IMMP2L: variants seen among roughly 807,000 people sequenced by gnomAD.
The protein encoded by IMMP2L is inner mitochondrial membrane peptidase subunit 2.
Under a neutral mutation model 19.3 loss-of-function variants are expected in IMMP2L, and 18 were observed. The observed-to-expected ratio is 0.93, with a 90% confidence interval of 0.64 to 1.38. The LOEUF (loss-of-function observed/expected upper bound fraction) is 1.38, where lower values mean the gene tolerates loss of function less well. Among genes scored for constraint, IMMP2L ranks in the 40% most tolerant of loss-of-function variants. IMMP2L has a pLI of 0.00. For synonymous variants in IMMP2L, 76 were observed against 73.0 expected (o/e 1.04, Z -0.21); for missense variants, 233 against 218.2 (o/e 1.07, Z -0.43).
intron 4 of IMMP2L, among the ~76,000 whole-genome samples, chr7:110,933,914 T>A (rs1179121433): frequency 6.6e-6 from 1 of 152,236 alleles, no homozygotes; most frequent in African/African-American, 2.4e-5. Flanking sequence ...CTTCTCTAGT[T>A]CTTTTAATTG....
chr7:111,262,176 T>C (rs1161135707), intron 3 of IMMP2L, among the ~76,000 whole-genome samples: 2 of 152,144 alleles, frequency 1.3e-5, no homozygotes, highest in Admixed American at 1.3e-4. Context: ...CAGGAACTTA[T>C]ATTCTAATGG....
At chr7:111,126,227 C>T (rs1440908168) in intron 3 of IMMP2L, among the ~76,000 whole-genome samples, 2 of 152,106 alleles carry the variant, frequency 1.3e-5, no homozygotes, top group Non-Finnish European at 2.9e-5. Flanking sequence ...AGGAGCTTCA[C>T]TGAAGTAACA....
At chr7:111,159,710 G>A (rs1586626015) in intron 3 of IMMP2L, among the ~76,000 whole-genome samples, 2 of 152,060 alleles carry the variant, frequency 1.3e-5, no homozygotes, top group South Asian at 4.1e-4. Context: ...CTGTCCAACA[G>A]AAACATCAGG....
intron 3 of IMMP2L, among the ~76,000 whole-genome samples, chr7:111,223,267 T>G (rs1357776849): frequency 3.9e-5 from 6 of 151,996 alleles, no homozygotes. Context: ...ATTTTTGTAA[T>G]ATTTTTTCTT....
chr7:110,718,676 G>A (rs1239358907), intron 5 of IMMP2L, among the ~76,000 whole-genome samples: 1 of 152,034 alleles, frequency 6.6e-6, no homozygotes, highest in Non-Finnish European at 1.5e-5. Flanking sequence ...AACAGCAAGG[G>A]GAATCAGAGG....
At chr7:111,350,663 A>G (rs1828057069) in intron 3 of IMMP2L, among the ~76,000 whole-genome samples, 1 of 152,128 alleles carries the variant, frequency 6.6e-6, no homozygotes, top group Admixed American at 6.6e-5. Context: ...TCACCATAGA[A>G]TATCAACTTT....
At chr7:111,027,685 G>T (rs914063022) in intron 3 of IMMP2L, among the ~76,000 whole-genome samples, 2 of 151,992 alleles carry the variant, frequency 1.3e-5, no homozygotes, top group Non-Finnish European at 2.9e-5. Context: ...TTTCATTTTC[G>T]ACTGATAAAT....
chr7:111,035,871 A>G (rs1791292960), intron 3 of IMMP2L, among the ~76,000 whole-genome samples: 1 of 152,134 alleles, frequency 6.6e-6, no homozygotes. Context: ...TATACACTGT[A>G]TAACATTCCA....
chr7:111,017,054 A>G (rs1825779514), intron 3 of IMMP2L, among the ~76,000 whole-genome samples: 1 of 141,746 alleles, frequency 7.1e-6, no homozygotes, highest in Non-Finnish European at 1.5e-5. Flanking sequence ...TGCATTTTTT[A>G]ATATATGTGC....
chr7:111,470,737 AG>A (rs1386068527), intron 3 of IMMP2L, among the ~76,000 whole-genome samples: 1 of 16,848 alleles, frequency 5.9e-5, no homozygotes. Flanking sequence ...GGTGGGGGGG[AG>A]GGGGGAGGGA....
rs544186422 is a variant in IMMP2L, at chr7:110,706,441, TC to T, written c.409-42721del. Among the ~76,000 whole-genome samples the T allele has an allele frequency of 4.6e-5, 7 of 152,262 alleles. No homozygotes were observed. In the South Asian group the frequency reaches 1.5e-3, roughly 32 times the overall value. On this transcript the variant is annotated intron_variant, in intron 5 of 5. Transcript: ENST00000405709. The stretch of plus-strand genomic sequence containing the variant: ...TCTTTGAGAAATATCCAAACTGCTT[TC>T]CACAGCAGCTGAACTCATTTACATT...
At chr7:110,671,604 T>C (rs566583114) in intron 5 of IMMP2L, among the ~76,000 whole-genome samples, 1 of 152,296 alleles carries the variant, frequency 6.6e-6, no homozygotes, top group East Asian at 1.9e-4. Flanking sequence ...TTTTGGCATC[T>C]GGTAGACACA....
chr7:110,972,627 A>G (rs1820265195), intron 3 of IMMP2L, among the ~76,000 whole-genome samples: 1 of 152,090 alleles, frequency 6.6e-6, no homozygotes, highest in Admixed American at 6.6e-5. Context: ...AGACTGTGAA[A>G]GATCATAAGG....
intron 2 of IMMP2L, among the ~76,000 whole-genome samples, chr7:111,496,187 G>A (rs1396933579): frequency 2.0e-5 from 3 of 152,116 alleles, no homozygotes; most frequent in South Asian, 2.1e-4. Context: ...CTACAATGCC[G>A]TCTTTCTTCC....
At chr7:111,334,865 A>G (rs1826238088) in intron 3 of IMMP2L, among the ~76,000 whole-genome samples, 1 of 152,138 alleles carries the variant, frequency 6.6e-6, no homozygotes, top group South Asian at 2.1e-4. Context: ...TACACAGAAA[A>G]AAACAAGAGA....
chr7:111,062,530 T>C (rs560619937), intron 3 of IMMP2L, among the ~76,000 whole-genome samples: 58 of 152,264 alleles, frequency 3.8e-4, no homozygotes, highest in South Asian at 6.2e-4. Context: ...AACAGTCCCC[T>C]AAAGTCTTAA....
At chr7:111,430,925 G>C (rs962646254) in intron 3 of IMMP2L, among the ~76,000 whole-genome samples, 2 of 151,750 alleles carry the variant, frequency 1.3e-5, no homozygotes, top group Admixed American at 6.6e-5. Flanking sequence ...TGGACAACAT[G>C]GCAAAACCCC....
chr7:111,163,615 G>T (rs186458061), intron 3 of IMMP2L, among the ~76,000 whole-genome samples: 40 of 152,124 alleles, frequency 2.6e-4, no homozygotes, highest in African/African-American at 9.4e-4. Flanking sequence ...GTATCAGTTG[G>T]AAACTTAGCT....
At chr7:110,765,898 G>A (rs1330794839) in intron 5 of IMMP2L, among the ~76,000 whole-genome samples, 7 of 152,068 alleles carry the variant, frequency 4.6e-5, no homozygotes, top group Admixed American at 3.9e-4. Flanking sequence ...TGCTAGTGCT[G>A]TAGTTACAAA....
Sources: allele counts gnomAD v4.1 joint callset (sites outside exome capture counted in the v4.1 genomes callset), GRCh38; gene constraint gnomAD v4.1.1; transcripts MANE v1.5; gene names NCBI Gene and HGNC (gene_info 2026-07-23, HGNC 2026-07-21).